BNC2: variants seen among roughly 807,000 people sequenced by gnomAD.
The protein encoded by BNC2 is basonuclin zinc finger protein 2.
A neutral mutation model predicts 76.3 loss-of-function variants in BNC2; 20 were observed. The observed-to-expected ratio is 0.26, with a 90% confidence interval of 0.18 to 0.38. The LOEUF (loss-of-function observed/expected upper bound fraction) is 0.38, where lower values mean the gene tolerates loss of function less well. BNC2 is among the 10% of genes least tolerant of loss of function. The probability of loss-of-function intolerance (pLI) is 1.00; values close to 1 mark genes in which losing one functional copy is unlikely to be tolerated. For missense variants in BNC2, 1,382 were observed against 1,399.8 expected (o/e 0.99, Z 0.20); for synonymous variants, 582 against 514.8 (o/e 1.13, Z -1.77).
At chr9:16,469,798 T>C (rs1276353024) in intron 5 of BNC2, among the ~76,000 whole-genome samples, 2 of 152,148 alleles carry the variant, frequency 1.3e-5, no homozygotes, top group Non-Finnish European at 1.5e-5. Flanking sequence ...TGGTCTCAGA[T>C]GAAGATGAGG....
intron 5 of BNC2, among the ~76,000 whole-genome samples, chr9:16,482,592 A>G (rs1294580343): frequency 6.6e-6 from 1 of 152,214 alleles, no homozygotes; most frequent in Non-Finnish European, 1.5e-5. Flanking sequence ...CTACATACTC[A>G]TAGAAGGATG....
At chr9:16,848,061 T>C (rs1043109206) in intron 1 of BNC2, among the ~76,000 whole-genome samples, 2 of 152,260 alleles carry the variant, frequency 1.3e-5, no homozygotes, top group South Asian at 4.1e-4. Flanking sequence ...CACAACAAAA[T>C]TCAAACTCTT....
intron 5 of BNC2, among the ~76,000 whole-genome samples, chr9:16,444,294 C>T (rs1037378236): frequency 6.6e-6 from 1 of 152,120 alleles, no homozygotes; most frequent in African/African-American, 2.4e-5. Context: ...GGGGTACATG[C>T]TCACAAATTT....
At chr9:16,464,889 T>C (rs970095050) in intron 5 of BNC2, among the ~76,000 whole-genome samples, 35 of 152,228 alleles carry the variant, frequency 2.3e-4, no homozygotes, top group African/African-American at 8.2e-4. Context: ...TGTCTGTGAC[T>C]GAACTATGAT....
chr9:16,559,590 C>A (rs1263313106), intron 4 of BNC2, among the ~76,000 whole-genome samples: 1 of 152,236 alleles, frequency 6.6e-6, no homozygotes, highest in Non-Finnish European at 1.5e-5. Flanking sequence ...AAGTCCTCAT[C>A]ATGTCGGAAG....
intron 5 of BNC2, among the ~76,000 whole-genome samples, chr9:16,465,198 G>A (rs1821677810): frequency 6.6e-6 from 1 of 152,176 alleles, no homozygotes; most frequent in Non-Finnish European, 1.5e-5. Flanking sequence ...CACTTTGAGA[G>A]GCTAAGGCAG....
At chr9:16,583,766 G>T (rs1429597514) in intron 3 of BNC2, among the ~76,000 whole-genome samples, 1 of 151,912 alleles carries the variant, frequency 6.6e-6, no homozygotes, top group Non-Finnish European at 1.5e-5. Flanking sequence ...TTTAAATTTT[G>T]GTTTCAGATC....
chr9:16,815,083 C>A (rs993579015), intron 1 of BNC2, among the ~76,000 whole-genome samples: 2 of 152,112 alleles, frequency 1.3e-5, no homozygotes, highest in African/African-American at 4.8e-5. Context: ...GCAAGACTTA[C>A]ACTCGTTTGA....
At chr9:16,677,805 A>G (rs72704092) in intron 3 of BNC2, among the ~76,000 whole-genome samples, 2 of 152,070 alleles carry the variant, frequency 1.3e-5, no homozygotes, top group Admixed American at 6.6e-5. Context: ...GGATAACTCA[A>G]TGAGTATTCT....
At chr9:16,731,124 C>A (rs1824492292) in intron 2 of BNC2, among the ~76,000 whole-genome samples, 1 of 152,154 alleles carries the variant, frequency 6.6e-6, no homozygotes, top group Non-Finnish European at 1.5e-5. Context: ...CAAAAAAATA[C>A]ACCTACAAGG....
intron 3 of BNC2, among the ~76,000 whole-genome samples, chr9:16,609,678 A>G (rs915658138): frequency 2.6e-5 from 4 of 152,162 alleles, no homozygotes; most frequent in African/African-American, 4.8e-5. Flanking sequence ...GAATTTATCT[A>G]TGGGACATAT....
intron 5 of BNC2, among the ~76,000 whole-genome samples, chr9:16,512,407 G>T (rs1007455073): frequency 1.3e-5 from 2 of 152,010 alleles, no homozygotes; most frequent in Non-Finnish European, 2.9e-5. Context: ...GCTTGTTTCT[G>T]CCTCCGTGGC....
intron 4 of BNC2, among the ~76,000 whole-genome samples, chr9:16,580,610 A>G (rs1393482275): frequency 6.6e-6 from 1 of 152,176 alleles, no homozygotes; most frequent in Non-Finnish European, 1.5e-5. Context: ...TTACATTACT[A>G]ATGTAATATG....
chr9:16,574,960 C>T (rs1819441149), intron 4 of BNC2, among the ~76,000 whole-genome samples: 2 of 152,230 alleles, frequency 1.3e-5, no homozygotes, highest in Admixed American at 6.5e-5. Flanking sequence ...AATCACTCTA[C>T]TTTGCTAAAA....
intron 3 of BNC2, among the ~76,000 whole-genome samples, chr9:16,690,670 TAGG>T (rs1209817172): frequency 6.6e-6 from 1 of 152,186 alleles, no homozygotes; most frequent in Non-Finnish European, 1.5e-5. Context: ...AGATATTTTA[TAGG>T]AGAAGAACTG....
intron 1 of BNC2, among the ~76,000 whole-genome samples, chr9:16,833,284 CA>C (rs1365657588): frequency 6.6e-6 from 1 of 152,096 alleles, no homozygotes; most frequent in Non-Finnish European, 1.5e-5. Flanking sequence ...TTAACAAATC[CA>C]AAAACACTCT....
At chr9:16,564,134 T>C (rs1406301358) in intron 4 of BNC2, among the ~76,000 whole-genome samples, 1 of 152,158 alleles carries the variant, frequency 6.6e-6, no homozygotes, top group South Asian at 2.1e-4. Context: ...TTCCAGTGTT[T>C]TTAAAAGATG....
intron 2 of BNC2, 80 bp from the exon 3 acceptor site, chr9:16,728,077 T>G: frequency 1.0e-6 from 1 of 959,558 alleles, no homozygotes; most frequent in Non-Finnish European, 1.5e-6. Context: ...CTGGCTGAAC[T>G]GTGCATTTCA....
chr9:16,724,949 TAAAGA>T (rs760902609), intron 3 of BNC2, among the ~76,000 whole-genome samples: 1 of 152,088 alleles, frequency 6.6e-6, no homozygotes, highest in East Asian at 1.9e-4. Context: ...TTTATACTAT[TAAAGA>T]AAACTTTAAA....
Sources: gnomAD v4.1 joint callset for allele counts (sites outside exome capture counted in the v4.1 genomes callset) on GRCh38, gnomAD v4.1.1 for gene constraint, MANE v1.5 for transcripts, NCBI Gene and HGNC (gene_info 2026-07-23, HGNC 2026-07-21) for gene names.